The following TMEM132D variants were observed in gnomAD, a reference collection of about 807,000 sequenced individuals.
TMEM132D encodes the protein mature OL transmembrane protein.
TMEM132D carries 21 observed loss-of-function variants against 62.3 expected under a neutral mutation model. The observed-to-expected ratio is 0.34, with a 90% CI of 0.24 to 0.49. TMEM132D has a LOEUF of 0.49. Ranked by LOEUF, TMEM132D falls within the 20% of genes least tolerant of loss-of-function variation. The probability of loss-of-function intolerance (pLI) is 0.99; values close to 1 mark genes in which losing one functional copy is unlikely to be tolerated. For missense variants in TMEM132D, 1,346 were observed against 1,402.8 expected (o/e 0.96, Z 0.65); for synonymous variants, 621 against 575.6 (o/e 1.08, Z -1.13).
chr12:129,816,178 A>T (rs1872337789), intron 1 of TMEM132D, among the ~76,000 whole-genome samples: 6 of 152,212 alleles, frequency 3.9e-5, no homozygotes. Flanking sequence ...ACACTTCAAA[A>T]ATATATTTGC....
intron 1 of TMEM132D, among the ~76,000 whole-genome samples, chr12:129,769,620 C>G (rs999698818): frequency 6.6e-5 from 10 of 152,088 alleles, no homozygotes; most frequent in South Asian, 2.1e-4. Flanking sequence ...GTTGAAGAGA[C>G]GGATAAAAGC....
chr12:129,278,575 T>C (rs1593320889), intron 4 of TMEM132D, among the ~76,000 whole-genome samples: 4 of 152,246 alleles, frequency 2.6e-5, no homozygotes, highest in Non-Finnish European at 4.4e-5. Context: ...CAAGAAGCCA[T>C]TTGACTGTGT....
chr12:129,644,163 T>A (rs913524523), intron 2 of TMEM132D, among the ~76,000 whole-genome samples: 1 of 152,176 alleles, frequency 6.6e-6, no homozygotes, highest in African/African-American at 2.4e-5. Context: ...TAATGTCTCA[T>A]GTCTCCTTAA....
In TMEM132D at chr12:129,576,619, C is replaced by CAT. The variant is rs1555219394; in HGVS notation, c.969-45416_969-45415dup. 3.4e-3 allele frequency among the ~76,000 whole-genome samples: 515 copies of CAT among 150,992 alleles called. 16 individuals are homozygous for CAT. Among genetic ancestry groups the CAT allele is most frequent in the African/African-American group, 0.012 (493 of 40,904 alleles). ...TACATATTATACACACACACACACA[C>CAT]ATATATATGCAGTTGACTTGAAACA... On this transcript the variant is annotated intron_variant, in intron 2 of 8. Transcript: ENST00000422113.
chr12:129,262,810 G>A (rs560244669), intron 4 of TMEM132D: 2 of 152,256 alleles, frequency 1.3e-5, no homozygotes, highest in East Asian at 1.9e-4. Flanking sequence ...TATGCAAGAG[G>A]TGCTCAGAAT....
At chr12:129,490,116 G>A (rs1264493758) in intron 3 of TMEM132D, among the ~76,000 whole-genome samples, 2 of 152,164 alleles carry the variant, frequency 1.3e-5, no homozygotes, top group African/African-American at 4.8e-5. Flanking sequence ...ACTGCATTCT[G>A]TTCAATGTAG....
intron 1 of TMEM132D, among the ~76,000 whole-genome samples, chr12:129,726,232 T>C (rs900421789): frequency 2.6e-5 from 4 of 152,178 alleles, no homozygotes; most frequent in African/African-American, 9.7e-5. Flanking sequence ...CCTTTCACTG[T>C]AATAAATCAC....
At chr12:129,330,278 G>A (rs1032583222) in intron 4 of TMEM132D, among the ~76,000 whole-genome samples, 1 of 152,194 alleles carries the variant, frequency 6.6e-6, no homozygotes, top group African/African-American at 2.4e-5. Context: ...AACAGCATCT[G>A]AGTATGAAAT....
intron 1 of TMEM132D, among the ~76,000 whole-genome samples, chr12:129,738,835 G>A (rs539060182): frequency 2.6e-5 from 4 of 152,214 alleles, no homozygotes; most frequent in East Asian, 1.9e-4. Flanking sequence ...TTCATTCTGC[G>A]AGATAACTTT....
chr12:129,839,050 G>A (rs1593181997), intron 1 of TMEM132D, among the ~76,000 whole-genome samples: 1 of 135,134 alleles, frequency 7.4e-6, no homozygotes, highest in Admixed American at 8.0e-5. Context: ...CACCGGTTTT[G>A]AGAGATTCTC....
intron 5 of TMEM132D, among the ~76,000 whole-genome samples, chr12:129,091,513 C>T (rs1874916536): frequency 6.6e-6 from 1 of 151,870 alleles, no homozygotes; most frequent in South Asian, 2.1e-4. Context: ...CTCTGGAGAC[C>T]TTACCTATGC....
At chr12:129,155,308 T>C (rs905516030) in intron 5 of TMEM132D, among the ~76,000 whole-genome samples, 2 of 152,238 alleles carry the variant, frequency 1.3e-5, no homozygotes, top group Admixed American at 1.3e-4. Context: ...AGTACATGCA[T>C]CTTGATGGTG....
chr12:129,175,049 C>A (rs770714905), intron 5 of TMEM132D, among the ~76,000 whole-genome samples: 75 of 152,238 alleles, frequency 4.9e-4, no homozygotes, highest in Non-Finnish European at 9.0e-4. Flanking sequence ...ATGATAGTTT[C>A]TTTTGCTGTG....
chr12:129,270,103 T>C (rs1880812165), intron 4 of TMEM132D, among the ~76,000 whole-genome samples: 1 of 152,194 alleles, frequency 6.6e-6, no homozygotes, highest in African/African-American at 2.4e-5. Context: ...ATTTGTCAAG[T>C]CTCGATTCCT....
intron 5 of TMEM132D, among the ~76,000 whole-genome samples, chr12:129,140,912 G>T (rs138853819): frequency 6.6e-6 from 1 of 152,016 alleles, no homozygotes; most frequent in Non-Finnish European, 1.5e-5. Context: ...TTCTGATCGC[G>T]AGGAAGCATT....
chr12:129,713,033 G>A (rs1336890875), intron 1 of TMEM132D, among the ~76,000 whole-genome samples: 1 of 152,100 alleles, frequency 6.6e-6, no homozygotes, highest in African/African-American at 2.4e-5. Flanking sequence ...TCACAGCTGA[G>A]CCTAACCCTG....
chr12:129,230,306 G>GA (rs1273573771), intron 4 of TMEM132D, among the ~76,000 whole-genome samples: 1 of 145,900 alleles, frequency 6.9e-6, no homozygotes, highest in Non-Finnish European at 1.5e-5. Context: ...TTCTGTGTTG[G>GA]AGGGGGGGGG....
chr12:129,181,708 T>G (rs76112157), intron 5 of TMEM132D, among the ~76,000 whole-genome samples: 1 of 152,292 alleles, frequency 6.6e-6, no homozygotes, highest in African/African-American at 2.4e-5. Context: ...AGCTGTTTCC[T>G]CTGCTTAGGA....
intron 1 of TMEM132D, among the ~76,000 whole-genome samples, chr12:129,791,507 G>A (rs1323900673): frequency 2.6e-5 from 4 of 152,138 alleles, no homozygotes; most frequent in Admixed American, 2.0e-4. Context: ...AAGCAACAGA[G>A]GTGGTGAAAA....
Sources: allele counts gnomAD v4.1 joint callset (sites outside exome capture counted in the v4.1 genomes callset), GRCh38; gene constraint gnomAD v4.1.1; transcripts MANE v1.5; gene names NCBI Gene and HGNC (gene_info 2026-07-23, HGNC 2026-07-21).